The following HSF5 variants were observed in gnomAD, a reference collection of about 807,000 sequenced individuals.
The protein encoded by HSF5 is heat shock factor protein 5.
A neutral mutation model predicts 50.8 loss-of-function variants in HSF5; 5 were observed. The observed-to-expected ratio is 0.10, with a 90% CI of 0.05 to 0.21. The LOEUF is 0.21. HSF5 is among the 10% of genes least tolerant of loss of function. The pLI, the probability that HSF5 is intolerant of heterozygous loss-of-function variation, is 1.00. For missense variants in HSF5, 564 were observed against 762.6 expected (o/e 0.74, Z 3.07); for synonymous variants, 307 against 307.4 (o/e 1.00, Z 0.02).
At position 58,457,424 on chromosome 17, in the gene HSF5, C is replaced by T. The variant is rs565459636; in HGVS notation, c.1720+1344G>A. ...GACCAGCCTGGCCAACATGGTGAAA[C>T]CCCATCTCTACTAAAAATACAAAAA... is the stretch of plus-strand genomic sequence containing the variant. On this transcript the variant is annotated intron_variant, in intron 5 of 5. Transcript: ENST00000323777. 5.6e-4 allele frequency among the ~76,000 whole-genome samples: 85 copies of T among 151,944 alleles called. 1 individual carries two copies. In the South Asian group the frequency reaches 0.017, roughly 30 times the overall value.
chr17:58,483,373 C>A (rs904837276), intron 1 of HSF5, among the ~76,000 whole-genome samples: 1 of 152,146 alleles, frequency 6.6e-6, no homozygotes, highest in Non-Finnish European at 1.5e-5. Flanking sequence ...AAATAAAGAA[C>A]CAAGACATGT....
In HSF5 at chr17:58,488,094, C is replaced by T. The variant is rs777328629; in HGVS notation, c.181G>A (p.Gly61Arg). The T allele has an allele frequency of 6.4e-7, 1 of 1,570,940 alleles. No homozygotes were observed. Residue 61 changes from glycine to arginine, a missense_variant, in exon 1 of 6, where the codon GGG (glycine) becomes AGG (arginine). Gly to Arg is a moderately radical substitution (Grantham distance 125). Coordinates refer to ENST00000323777, the MANE Select transcript of HSF5 (RefSeq NM_001080439.3). The surrounding 1 kb of genome is among the most constrained non-coding windows in gnomAD (Gnocchi z 4.1). ...GGCTCGGCCCCGGCCCCCGCAGTCC[C>T]GCCACCGCCCCCCGGCCCGGGCGGG... The part of the protein sequence containing the change: ...LSPPGPGGGG[G>R]TAGAGAEPEL...
rs748472795 is a variant in HSF5 at position 58,422,394 on chromosome 17, T to C, written c.1757A>G (p.Glu586Gly). ...HLLVDVACKQ[E>G]RFPKEEELKE is the part of the protein sequence containing the mutation. ...TAATTCTTCCTCCTTTGGAAAGCGC[T>C]CCTGCTTGCAGGCCACGTCCACCAG... Residue 586 changes from glutamate (E) to glycine (G), a missense_variant, in exon 6 of 6, where the codon GAG (glutamate) becomes GGG (glycine). Coordinates refer to ENST00000323777, the MANE Select transcript of HSF5 (RefSeq NM_001080439.3). 2 of 1,614,032 alleles carry C rather than the reference T, an allele frequency of 1.2e-6. No homozygotes were observed. The highest frequency in any genetic ancestry group is 1.7e-6 in the Non-Finnish European group (2 of 1,179,900).
chr17:58,457,217 G>T (rs543556298), intron 5 of HSF5, among the ~76,000 whole-genome samples: 1 of 150,946 alleles, frequency 6.6e-6, no homozygotes, highest in African/African-American at 2.4e-5. Context: ...CCAAGATCAC[G>T]CCATTGCACT....
At chr17:58,467,203 T>C (rs1974879275) in intron 2 of HSF5, among the ~76,000 whole-genome samples, 1 of 152,244 alleles carries the variant, frequency 6.6e-6, no homozygotes, top group Admixed American at 6.5e-5. Flanking sequence ...CTAATGTCTA[T>C]TTTTATAAAT....
Position 58,420,934 on chromosome 17 carries a change from C to T in HSF5, c.*1426G>A, listed in dbSNP as rs1247980218. ...GGCACAATGCAGTATAAGAAATGAA[C>T]TGTTACATCCACAACGGCTAGCATA... On this transcript the variant is annotated 3_prime_UTR_variant, in exon 6 of 6. Coordinates refer to ENST00000323777, the MANE Select transcript of HSF5 (RefSeq NM_001080439.3). 3 of 152,634 alleles carry T rather than the reference C, an allele frequency of 2.0e-5. No homozygotes were observed. Among genetic ancestry groups the T allele is most frequent in the Non-Finnish European group, 2.9e-5 (2 of 68,030 alleles). The allele number at this position is 152,634 out of a possible 1,614,324, so 9.5% of individuals were successfully genotyped here. A position where few individuals can be genotyped will look rare whatever the true frequency, so the allele number is the denominator to read the frequency against.
intron 2 of HSF5, among the ~76,000 whole-genome samples, chr17:58,474,975 G>A (rs1974992509): frequency 6.6e-6 from 1 of 152,072 alleles, no homozygotes; most frequent in Non-Finnish European, 1.5e-5. Flanking sequence ...CATTTTCTAT[G>A]TAACATGGTA....
At chr17:58,425,121 G>A (rs796427205) in intron 5 of HSF5, among the ~76,000 whole-genome samples, 7 of 151,934 alleles carry the variant, frequency 4.6e-5, no homozygotes, top group African/African-American at 1.7e-4. Context: ...CAATGAGGCC[G>A]GGTGCGGTGG....
chr17:58,449,195 C>T (rs1808822553), intron 5 of HSF5, among the ~76,000 whole-genome samples: 1 of 151,908 alleles, frequency 6.6e-6, no homozygotes, highest in African/African-American at 2.4e-5. Flanking sequence ...AATCACTTAC[C>T]CACAAAGGAA....
intron 3 of HSF5, among the ~76,000 whole-genome samples, chr17:58,466,490 T>C (rs914156997): frequency 2.0e-4 from 31 of 152,218 alleles, no homozygotes; most frequent in African/African-American, 6.8e-4. Context: ...ATAAGCCATA[T>C]GAAACTACTG....
chr17:58,450,247 G>A (rs1169873914), intron 5 of HSF5, among the ~76,000 whole-genome samples: 2 of 144,748 alleles, frequency 1.4e-5, no homozygotes, highest in Non-Finnish European at 3.0e-5. Context: ...GCTGAGGCAC[G>A]AGAATCATTT....
chr17:58,468,753 G>A (rs1974905722), intron 2 of HSF5, among the ~76,000 whole-genome samples: 1 of 151,938 alleles, frequency 6.6e-6, no homozygotes, highest in African/African-American at 2.4e-5. Flanking sequence ...ATTAAATTTT[G>A]CACACAGAAA....
chr17:58,454,061 T>C (rs989775737), intron 5 of HSF5, among the ~76,000 whole-genome samples: 1 of 152,060 alleles, frequency 6.6e-6, no homozygotes, highest in East Asian at 1.9e-4. Flanking sequence ...GCCACTGCAC[T>C]TCAGCCTGGT....
chr17:58,470,595 T>C (rs1015695544), intron 2 of HSF5, among the ~76,000 whole-genome samples: 1 of 152,178 alleles, frequency 6.6e-6, no homozygotes. Flanking sequence ...ATTGTGAATA[T>C]AAGTAGTGTC....
intron 5 of HSF5, among the ~76,000 whole-genome samples, chr17:58,448,716 T>C (rs963762114): frequency 4.6e-5 from 7 of 151,356 alleles, no homozygotes; most frequent in Non-Finnish European, 1.0e-4. Flanking sequence ...AGACCTGTTT[T>C]ACTAGAAATG....
chr17:58,488,378 A>C lies in HSF5; in HGVS notation c.-104T>G, dbSNP rs1453496385. On this transcript the variant is annotated 5_prime_UTR_variant, in exon 1 of 6. The change abolishes an upstream ATG in the 5' untranslated region. Coordinates refer to ENST00000323777, the MANE Select transcript of HSF5 (RefSeq NM_001080439.3). The surrounding 1 kb of genome is among the most constrained non-coding windows in gnomAD (Gnocchi z 4.1). ...GCCCTGCCCGCTCCTGCCGGCGCCCATCCGCCGCGTACCAGGGACCGTTGG... is the reference window on the plus strand; with the variant it reads ...GCCCTGCCCGCTCCTGCCGGCGCCCCTCCGCCGCGTACCAGGGACCGTTGG... The C allele has an allele frequency of 1.4e-5, 18 of 1,327,864 alleles. No individual in the cohort carries two copies. Among genetic ancestry groups the C allele is most frequent in the Non-Finnish European group, 1.7e-5 (18 of 1,046,236 alleles). 82.3% of individuals were successfully genotyped at this position (1,327,864 alleles called of 1,614,324 possible). A position where few individuals can be genotyped will look rare whatever the true frequency, so the allele number is the denominator to read the frequency against.
At chr17:58,435,858 C>T (rs567451474) in intron 5 of HSF5, among the ~76,000 whole-genome samples, 134 of 141,684 alleles carry the variant, frequency 9.5e-4, no homozygotes, top group Admixed American at 3.6e-3. Context: ...AAGATCACGC[C>T]ACTGCACCGC....
intron 5 of HSF5, among the ~76,000 whole-genome samples, chr17:58,438,914 G>A (rs1358263676): frequency 6.6e-6 from 1 of 151,930 alleles, no homozygotes; most frequent in East Asian, 1.9e-4. Context: ...ACCAGGAGTT[G>A]GAGATCAGCC....
At chr17:58,455,397 G>A (rs111550071) in intron 5 of HSF5, among the ~76,000 whole-genome samples, 1 of 152,076 alleles carries the variant, frequency 6.6e-6, no homozygotes, top group Non-Finnish European at 1.5e-5. Context: ...TAGGGAAAAT[G>A]CTTCATGAAA....
Sources: gnomAD v4.1 joint callset for allele counts (sites outside exome capture counted in the v4.1 genomes callset) on GRCh38, gnomAD v4.1.1 for gene constraint, Gnocchi (gnomAD v3.1) non-coding constraint, MANE v1.5 for transcripts, NCBI Gene and HGNC (gene_info 2026-07-23, HGNC 2026-07-21) for gene names.